The following SHOC2 variants were observed in gnomAD, a reference collection of about 807,000 sequenced individuals.
SHOC2 encodes leucine-rich repeat protein SHOC-2.
A neutral mutation model predicts 50.2 loss-of-function variants in SHOC2; 4 were observed. The observed-to-expected ratio is 0.08, with a 90% CI of 0.04 to 0.18. The LOEUF is 0.18. Among genes scored for constraint, SHOC2 ranks in the 10% least tolerant of loss-of-function variants. The pLI is 1.00. For synonymous variants in SHOC2, 218 were observed against 244.5 expected (o/e 0.89, Z 1.01); for missense variants, 388 against 669.6 (o/e 0.58, Z 4.64).
At chr10:110,976,771 G>A (rs1847885982) in intron 2 of SHOC2, among the ~76,000 whole-genome samples, 2 of 152,024 alleles carry the variant, frequency 1.3e-5, no homozygotes, top group African/African-American at 4.8e-5. Flanking sequence ...GAGTTTATAA[G>A]CCTCTTGGAT....
intron 3 of SHOC2, among the ~76,000 whole-genome samples, chr10:110,994,391 A>G (rs1291931973): frequency 6.6e-6 from 1 of 152,220 alleles, no homozygotes; most frequent in Non-Finnish European, 1.5e-5. Context: ...TTTGTTATTT[A>G]TTAAAATTTT....
At chr10:110,991,092 T>C (rs1182616561) in intron 3 of SHOC2, among the ~76,000 whole-genome samples, 1 of 152,192 alleles carries the variant, frequency 6.6e-6, no homozygotes. Context: ...CCTTCTTCTC[T>C]GTCTCAAATA....
chr10:110,952,690 T>A (rs1313479834), intron 1 of SHOC2, among the ~76,000 whole-genome samples: 1 of 152,104 alleles, frequency 6.6e-6, no homozygotes, highest in East Asian at 1.9e-4. Context: ...CATTAGGTGT[T>A]TGTCTTAATG....
intron 5 of SHOC2, 45 bp from the exon 6 acceptor site, chr10:111,007,486 T>C (rs1409984237): frequency 1.2e-6 from 2 of 1,609,614 alleles, no homozygotes; most frequent in South Asian, 2.2e-5. Flanking sequence ...TATAGAACTT[T>C]GTTTTTGTGA....
rs147914875 is a variant in SHOC2 at position 110,993,321 on chromosome 10, A to C, written c.842-7094A>C. 2.0e-5 allele frequency among the ~76,000 whole-genome samples: 3 copies of C among 152,352 alleles called. No individual in the cohort carries two copies. In the East Asian group the frequency reaches 5.8e-4, roughly 29 times the overall value. ...AGAGCTGAAACCACTGCAGAGGGTG[A>C]ATCACAATAAATGCCAGACTTCTGA... On this transcript the variant is annotated intron_variant, in intron 3 of 8. Transcript: ENST00000369452.
chr10:110,922,358 A>C (rs879306998), intron 1 of SHOC2, among the ~76,000 whole-genome samples: 1 of 152,112 alleles, frequency 6.6e-6, no homozygotes, highest in African/African-American at 2.4e-5. Context: ...TCTTTATTAT[A>C]CAGGTGGATA....
chr10:110,919,779 C>A (rs1263405234), intron 1 of SHOC2, 122 bp downstream of exon 1: 1 of 393,444 alleles, frequency 2.5e-6, no homozygotes, highest in East Asian at 3.6e-5. Context: ...CTGACAGGCG[C>A]GAGCCGGCAG....
chr10:110,945,634 C>A (rs1323082762), intron 1 of SHOC2, among the ~76,000 whole-genome samples: 4 of 152,088 alleles, frequency 2.6e-5, no homozygotes, highest in African/African-American at 7.2e-5. Flanking sequence ...TTGGGCTTTG[C>A]CATCCCACAC....
chr10:111,009,411 TTTATAAA>T, intron 7 of SHOC2, 26 bp downstream of exon 7: 1 of 1,581,362 alleles, frequency 6.3e-7, no homozygotes, highest in Non-Finnish European at 8.7e-7. Flanking sequence ...ATTTTGTAGT[TTTATAAA>T]GTTTTTGGAA....
intron 1 of SHOC2, among the ~76,000 whole-genome samples, chr10:110,949,004 A>G (rs1056094373): frequency 2.6e-5 from 4 of 152,138 alleles, no homozygotes; most frequent in Non-Finnish European, 5.9e-5. Context: ...GCCCAAGACA[A>G]TCCTTCTTCC....
chr10:111,000,871 A>G (rs1008475034), intron 4 of SHOC2, among the ~76,000 whole-genome samples: 2 of 152,152 alleles, frequency 1.3e-5, no homozygotes, highest in Admixed American at 1.3e-4. Flanking sequence ...GGTATTAAGG[A>G]AAAACTATAT....
rs189045695 is a variant in SHOC2, at chr10:110,987,735, A to G, written c.841+1970A>G. Among the ~76,000 whole-genome samples the G allele has an allele frequency of 2.1e-3, 317 of 152,304 alleles. 1 individual carries two copies. Among genetic ancestry groups the G allele is most frequent in the African/African-American group, 7.3e-3 (304 of 41,558 alleles). On this transcript the variant is annotated intron_variant, in intron 3 of 8. Coordinates refer to ENST00000369452, the MANE Select transcript of SHOC2 (RefSeq NM_007373.4). ...ACAAGGAGATGTGACCTTAGGAGAA[A>G]AAAAACATAGGATATTTAAACTGCA...
chr10:110,999,850 A>G (rs17128254), intron 3 of SHOC2, among the ~76,000 whole-genome samples: 3,564 of 152,116 alleles, frequency 0.023, 101 homozygotes, highest in East Asian at 0.14. Flanking sequence ...AAAAGAGACT[A>G]TAACTTTCAC....
chr10:110,985,115 T>C (rs1848053986), intron 2 of SHOC2, among the ~76,000 whole-genome samples: 1 of 152,220 alleles, frequency 6.6e-6, no homozygotes, highest in South Asian at 2.1e-4. Flanking sequence ...ATTATCAAAG[T>C]TGTAAAACTT....
At chr10:110,998,293 C>T (rs1848305939) in intron 3 of SHOC2, among the ~76,000 whole-genome samples, 1 of 152,146 alleles carries the variant, frequency 6.6e-6, no homozygotes, top group Non-Finnish European at 1.5e-5. Flanking sequence ...GCCACCATGC[C>T]TGGCCTAACG....
chr10:110,950,512 G>A (rs1046199390), intron 1 of SHOC2, among the ~76,000 whole-genome samples: 8 of 152,082 alleles, frequency 5.3e-5, no homozygotes, highest in Non-Finnish European at 1.2e-4. Flanking sequence ...CACAGAAATA[G>A]GAAAAGCAAT....
At chr10:110,983,379 T>C (rs954635328) in intron 2 of SHOC2, among the ~76,000 whole-genome samples, 22 of 152,252 alleles carry the variant, frequency 1.4e-4, no homozygotes, top group African/African-American at 5.1e-4. Context: ...TTTTTATCTT[T>C]TTCTGTTTTC....
chr10:110,952,396 G>C (rs1296233220), intron 1 of SHOC2, among the ~76,000 whole-genome samples: 1 of 152,010 alleles, frequency 6.6e-6, no homozygotes, highest in Admixed American at 6.5e-5. Flanking sequence ...TTACATTAGG[G>C]TTTTTACTGT....
intron 2 of SHOC2, among the ~76,000 whole-genome samples, chr10:110,967,463 G>C (rs1413569613): frequency 1.3e-5 from 2 of 152,156 alleles, no homozygotes; most frequent in East Asian, 3.8e-4. Context: ...GGGTTTAACA[G>C]TTTAATTATA....
Sources: gnomAD v4.1 joint callset for allele counts (sites outside exome capture counted in the v4.1 genomes callset) on GRCh38, gnomAD v4.1.1 for gene constraint, MANE v1.5 for transcripts, NCBI Gene and HGNC (gene_info 2026-07-23, HGNC 2026-07-21) for gene names.